ZSWIM5: variants seen among roughly 807,000 people sequenced by gnomAD.
ZSWIM5 encodes zinc finger SWIM-type containing 5, also known as zinc finger SWIM domain-containing protein 5.
A neutral mutation model predicts 119.6 loss-of-function variants in ZSWIM5; 55 were observed. That is an observed-to-expected ratio of 0.46 (90% confidence interval 0.37 to 0.58). The LOEUF is 0.58. Ranked by LOEUF, ZSWIM5 falls within the 20% of genes least tolerant of loss-of-function variation. The pLI is 0.00. For synonymous variants in ZSWIM5, 537 were observed against 606.9 expected (o/e 0.88, Z 1.69); for missense variants, 1,193 against 1,512.8 (o/e 0.79, Z 3.51).
In ZSWIM5 at chr1:45,088,059, T is replaced by C; in HGVS notation, c.774A>G (p.Lys258=). ...VVALSLYRIR[K]PDQVKLRLPI... is the part of the protein sequence containing the mutation. ...GAAGACGCAATTTGACTTGGTCTGG[T>C]TTACGGATCCTGTAGAGTGAGAGTG... The change falls in exon 2 of 14, where the codon AAA becomes AAG. Residue 258 remains lysine (K), a synonymous_variant. Transcript: ENST00000359600. This position sits in a 1 kb window ranked among gnomAD's most constrained non-coding sequence, Gnocchi z 4.2. 1 of 1,614,202 alleles carries C rather than the reference T, an allele frequency of 6.2e-7. No individual in the cohort carries two copies. The highest frequency in any genetic ancestry group is 8.5e-7 in the Non-Finnish European group (1 of 1,180,040).
chr1:45,145,389 T>C lies in ZSWIM5; in HGVS notation c.596-57152A>G, dbSNP rs182706283. On this transcript the variant is annotated intron_variant, in intron 1 of 13. Coordinates refer to ENST00000359600, the MANE Select transcript of ZSWIM5 (RefSeq NM_020883.2). Reference sequence around the variant, plus strand: ...GTTATCAACATTTATAGCAGCTCCATTCATAACTGCCAAAAATTAGAAACA... The same window carrying C: ...GTTATCAACATTTATAGCAGCTCCACTCATAACTGCCAAAAATTAGAAACA... Among the ~76,000 whole-genome samples, 1,296 of 150,706 alleles carry C rather than the reference T, an allele frequency of 8.6e-3. 12 individuals are homozygous for C. The highest frequency in any genetic ancestry group is 0.014 in the Non-Finnish European group (939 of 67,774).
intron 1 of ZSWIM5, among the ~76,000 whole-genome samples, chr1:45,154,062 A>AGG (rs1645813130): frequency 6.6e-6 from 1 of 152,188 alleles, no homozygotes; most frequent in South Asian, 2.1e-4. Context: ...GACCCCTGCA[A>AGG]GGAAAACTAC....
intron 1 of ZSWIM5, among the ~76,000 whole-genome samples, chr1:45,120,279 G>A (rs1645583419): frequency 6.6e-6 from 1 of 152,202 alleles, no homozygotes; most frequent in Non-Finnish European, 1.5e-5. Flanking sequence ...CGGAGGGGGA[G>A]GTCGCAGTGA....
Position 45,035,804 on chromosome 1 carries a change from C to T in ZSWIM5, c.2175G>A (p.Leu725=), listed in dbSNP as rs917063733. 2 of 1,612,040 alleles carry T rather than the reference C, an allele frequency of 1.2e-6. No homozygotes were observed. The highest frequency in any genetic ancestry group is 3.3e-5 in the Admixed American group (2 of 59,800). ...LLLEGGPFSG[L]GEVIHRESVP... ...CACTCTCTCGGTGGATGACTTCTCCCAGACCGCTGAAAGGACCTCCTGGAG... is the reference window on the plus strand; with the variant it reads ...CACTCTCTCGGTGGATGACTTCTCCTAGACCGCTGAAAGGACCTCCTGGAG... The change falls in exon 10 of 14, where the codon CTG becomes CTA. Residue 725 remains leucine, a synonymous_variant. Coordinates refer to ENST00000359600, the MANE Select transcript of ZSWIM5 (RefSeq NM_020883.2).
chr1:45,204,825 C>T (rs569753753), intron 1 of ZSWIM5, among the ~76,000 whole-genome samples: 19 of 152,158 alleles, frequency 1.2e-4, no homozygotes, highest in African/African-American at 4.6e-4. Context: ...GAAAAAAATT[C>T]GTGTTTTAAT....
intron 1 of ZSWIM5, among the ~76,000 whole-genome samples, chr1:45,156,325 A>G (rs552535531): frequency 3.9e-5 from 6 of 152,208 alleles, no homozygotes; most frequent in African/African-American, 1.4e-4. Context: ...CTGAAAAACT[A>G]ACTATTGAGT....
chr1:45,175,896 T>G (rs1645977404), intron 1 of ZSWIM5, among the ~76,000 whole-genome samples: 1 of 151,982 alleles, frequency 6.6e-6, no homozygotes, highest in African/African-American at 2.4e-5. Flanking sequence ...CTGGCTTTTG[T>G]ATCCTTTTTG....
In ZSWIM5 at chr1:45,092,542, C is replaced by G. The variant is rs1303797477; in HGVS notation, c.596-4305G>C. Among the ~76,000 whole-genome samples, 3 of 91,566 alleles carry G rather than the reference C, an allele frequency of 3.3e-5. 1 individual carries two copies. Among genetic ancestry groups the G allele is most frequent in the Non-Finnish European group, 5.2e-5 (2 of 38,674 alleles). 60.1% of individuals were successfully genotyped at this position (91,566 alleles called of 152,430 possible). On this transcript the variant is annotated intron_variant, in intron 1 of 13. Transcript: ENST00000359600. The stretch of plus-strand genomic sequence containing the variant: ...GAACTTGTGACCTCGTGATCCACCC[C>G]CCCCCCCCCGCCAGCCTTACAAAGT...
chr1:45,148,506 A>G (rs76442997), intron 1 of ZSWIM5, among the ~76,000 whole-genome samples: 8 of 151,942 alleles, frequency 5.3e-5, no homozygotes, highest in African/African-American at 1.7e-4. Context: ...AAAAAAAAAA[A>G]GCTGTAAACC....
chr1:45,164,635 G>A (rs1022283540), intron 1 of ZSWIM5, among the ~76,000 whole-genome samples: 9 of 152,002 alleles, frequency 5.9e-5, no homozygotes, highest in African/African-American at 1.9e-4. Context: ...GATCTACCAA[G>A]CAAATGGAAA....
At chr1:45,184,712 A>C (rs1487815737) in intron 1 of ZSWIM5, among the ~76,000 whole-genome samples, 1 of 152,142 alleles carries the variant, frequency 6.6e-6, no homozygotes, top group Non-Finnish European at 1.5e-5. Flanking sequence ...GGACTTCTTC[A>C]AGGAGAACTA....
chr1:45,105,564 G>C (rs1407985044), intron 1 of ZSWIM5, among the ~76,000 whole-genome samples: 1 of 138,786 alleles, frequency 7.2e-6, no homozygotes, highest in African/African-American at 2.7e-5. Context: ...CGGCTGCCCC[G>C]AATGGGAAGT....
In ZSWIM5 at chr1:45,176,037, C is replaced by T. The variant is rs990032987; in HGVS notation, c.595+29719G>A. On this transcript the variant is annotated intron_variant, in intron 1 of 13. Transcript: ENST00000359600. The stretch of plus-strand genomic sequence containing the variant: ...TCCAAGGAGGCTTTGTTCCTTTTAT[C>T]GGAGAAAAGTACTTGGAAACCAAGA... Among the ~76,000 whole-genome samples the T allele has an allele frequency of 4.0e-5, 6 of 151,598 alleles. 1 individual carries two copies. Among genetic ancestry groups the T allele is most frequent in the East Asian group, 1.9e-4 (1 of 5,178 alleles).
intron 2 of ZSWIM5, among the ~76,000 whole-genome samples, chr1:45,061,769 G>C (rs1400891602): frequency 6.8e-6 from 1 of 146,912 alleles, no homozygotes. Context: ...TGGTAAGAAT[G>C]TTAAAAATCT....
chr1:45,046,190 G>A (rs923083784), intron 5 of ZSWIM5, among the ~76,000 whole-genome samples: 8 of 152,150 alleles, frequency 5.3e-5, no homozygotes, highest in Non-Finnish European at 8.8e-5. Context: ...AGCTGTGAAG[G>A]TATATGATGG....
At chr1:45,132,791 T>C (rs1398544696) in intron 1 of ZSWIM5, among the ~76,000 whole-genome samples, 1 of 152,058 alleles carries the variant, frequency 6.6e-6, no homozygotes, top group Non-Finnish European at 1.5e-5. Context: ...GGCCCCAGTG[T>C]GTGATGTTCC....
chr1:45,022,755 G>A (rs904413792), intron 11 of ZSWIM5, among the ~76,000 whole-genome samples: 3 of 152,142 alleles, frequency 2.0e-5, no homozygotes, highest in Non-Finnish European at 4.4e-5. Context: ...GCACCTGTGG[G>A]GGATTGGTTC....
chr1:45,021,041 C>T (rs1264169652), intron 11 of ZSWIM5, among the ~76,000 whole-genome samples: 2 of 145,582 alleles, frequency 1.4e-5, no homozygotes, highest in African/African-American at 5.0e-5. Flanking sequence ...CCTCAGGATC[C>T]TTTTTTTTTT....
intron 4 of ZSWIM5, among the ~76,000 whole-genome samples, chr1:45,051,911 A>G (rs1645091322): frequency 6.6e-6 from 1 of 152,032 alleles, no homozygotes; most frequent in South Asian, 2.1e-4. Flanking sequence ...GAATCTTGGT[A>G]TTTGCTTATC....
Sources: gnomAD v4.1 joint callset for allele counts (sites outside exome capture counted in the v4.1 genomes callset) on GRCh38, gnomAD v4.1.1 for gene constraint, Gnocchi (gnomAD v3.1) non-coding constraint, MANE v1.5 for transcripts, NCBI Gene and HGNC (gene_info 2026-07-23, HGNC 2026-07-21) for gene names.